The following SLC2A13 variants were observed in gnomAD, a reference collection of about 807,000 sequenced individuals.
SLC2A13 encodes the protein proton myo-inositol cotransporter.
Under a neutral mutation model 64.4 loss-of-function variants are expected in SLC2A13, and 32 were observed. The observed-to-expected ratio is 0.50, with a 90% CI of 0.37 to 0.67. The LOEUF (loss-of-function observed/expected upper bound fraction) is 0.67. SLC2A13 is among the 30% of genes least tolerant of loss of function. The pLI, the probability that SLC2A13 is intolerant of heterozygous loss-of-function variation, is 0.00. For missense variants in SLC2A13, 743 were observed against 829.2 expected (o/e 0.90, Z 1.28); for synonymous variants, 338 against 327.1 (o/e 1.03, Z -0.36).
chr12:39,905,659 A>G (rs562945817), intron 4 of SLC2A13, among the ~76,000 whole-genome samples: 2 of 152,248 alleles, frequency 1.3e-5, no homozygotes, highest in African/African-American at 4.8e-5. Flanking sequence ...CCTTTAAGAC[A>G]TCTTATGTCT....
intron 4 of SLC2A13, among the ~76,000 whole-genome samples, chr12:39,881,560 A>T (rs911945736): frequency 6.6e-6 from 1 of 152,122 alleles, no homozygotes; most frequent in African/African-American, 2.4e-5. Flanking sequence ...CAGATCACCT[A>T]TTTATACCTG....
At chr12:39,880,377 A>T (rs1227478398) in intron 4 of SLC2A13, among the ~76,000 whole-genome samples, 1 of 152,188 alleles carries the variant, frequency 6.6e-6, no homozygotes, top group East Asian at 1.9e-4. Context: ...TTTCAAACAT[A>T]TTTTCATGTA....
At chr12:40,003,828 G>C (rs1181311707) in intron 3 of SLC2A13, among the ~76,000 whole-genome samples, 1 of 151,820 alleles carries the variant, frequency 6.6e-6, no homozygotes, top group Non-Finnish European at 1.5e-5. Flanking sequence ...GGACACCGAA[G>C]CACAGAAAGT....
chr12:39,997,765 A>G (rs1204413754), intron 3 of SLC2A13, among the ~76,000 whole-genome samples: 2 of 152,160 alleles, frequency 1.3e-5, no homozygotes, highest in Non-Finnish European at 2.9e-5. Context: ...TGGGAGGCGG[A>G]GTTTGCGGTG....
chr12:39,783,996 T>C (rs1051846305), intron 7 of SLC2A13, among the ~76,000 whole-genome samples: 2 of 151,978 alleles, frequency 1.3e-5, no homozygotes, highest in Non-Finnish European at 2.9e-5. Context: ...GAGAATAAAA[T>C]ACCTAGGAAT....
At chr12:40,055,264 CTCTCTG>C (rs1948317066) in intron 1 of SLC2A13, among the ~76,000 whole-genome samples, 2 of 152,208 alleles carry the variant, frequency 1.3e-5, no homozygotes, top group Non-Finnish European at 2.9e-5. Context: ...AAGAAAGATT[CTCTCTG>C]TGGAGATAAC....
intron 4 of SLC2A13, among the ~76,000 whole-genome samples, chr12:39,883,587 T>G (rs868748049): frequency 6.6e-6 from 1 of 152,180 alleles, no homozygotes; most frequent in Non-Finnish European, 1.5e-5. Context: ...GGGCAGGTCA[T>G]GGCATTTACT....
At chr12:39,840,864 C>T (rs1943161329) in intron 6 of SLC2A13, among the ~76,000 whole-genome samples, 1 of 152,028 alleles carries the variant, frequency 6.6e-6, no homozygotes, top group Admixed American at 6.6e-5. Flanking sequence ...CAATAAATAC[C>T]TGTTGAGTAA....
intron 1 of SLC2A13, among the ~76,000 whole-genome samples, chr12:40,104,048 G>C (rs1270051856): frequency 6.6e-6 from 1 of 152,162 alleles, no homozygotes; most frequent in Non-Finnish European, 1.5e-5. Context: ...TATGGCCTTT[G>C]CTTCCCTTCA....
At chr12:39,799,857 G>T (rs1301146043) in intron 7 of SLC2A13, among the ~76,000 whole-genome samples, 1 of 152,200 alleles carries the variant, frequency 6.6e-6, no homozygotes, top group Non-Finnish European at 1.5e-5. Context: ...AAGAAACTTG[G>T]TAGAACTTTC....
chr12:40,025,560 G>A (rs553018793), intron 3 of SLC2A13, among the ~76,000 whole-genome samples: 9 of 152,298 alleles, frequency 5.9e-5, no homozygotes, highest in East Asian at 1.9e-4. Context: ...AGCTCAATGC[G>A]AACAGGTATC....
intron 1 of SLC2A13, among the ~76,000 whole-genome samples, chr12:40,080,392 GGTTTT>G (rs984219676): frequency 5.3e-5 from 8 of 152,042 alleles, no homozygotes; most frequent in South Asian, 2.1e-4. Flanking sequence ...TTATGTTCAA[GGTTTT>G]GTTTTGTTTT....
intron 1 of SLC2A13, among the ~76,000 whole-genome samples, chr12:40,054,702 C>T (rs1048639156): frequency 2.0e-5 from 3 of 152,192 alleles, no homozygotes; most frequent in African/African-American, 4.8e-5. Context: ...CAGCACAAAA[C>T]GCTCTGGAGT....
At chr12:40,003,092 G>T (rs1947346792) in intron 3 of SLC2A13, among the ~76,000 whole-genome samples, 1 of 152,176 alleles carries the variant, frequency 6.6e-6, no homozygotes, top group African/African-American at 2.4e-5. Context: ...AATGGACTGG[G>T]ACAGGGAGAG....
At chr12:40,006,530 T>C (rs1947422183) in intron 3 of SLC2A13, among the ~76,000 whole-genome samples, 1 of 152,210 alleles carries the variant, frequency 6.6e-6, no homozygotes, top group Non-Finnish European at 1.5e-5. Context: ...AAGAAAATTA[T>C]GTTAAAATGA....
At chr12:40,104,549 A>C (rs1939240263) in intron 1 of SLC2A13, among the ~76,000 whole-genome samples, 1 of 152,246 alleles carries the variant, frequency 6.6e-6, no homozygotes, top group Non-Finnish European at 1.5e-5. Context: ...CCAACTGGAA[A>C]GCAGGAGAGG....
At chr12:39,981,207 C>T (rs1380957505) in intron 3 of SLC2A13, among the ~76,000 whole-genome samples, 3 of 148,468 alleles carry the variant, frequency 2.0e-5, no homozygotes, top group Non-Finnish European at 4.5e-5. Context: ...CACTAAATGC[C>T]CACAAGAGAA....
intron 7 of SLC2A13, among the ~76,000 whole-genome samples, chr12:39,814,172 G>A (rs953386048): frequency 2.0e-5 from 3 of 152,072 alleles, no homozygotes; most frequent in African/African-American, 4.8e-5. Context: ...ACTTCAAAAC[G>A]TTAATCAACC....
intron 1 of SLC2A13, among the ~76,000 whole-genome samples, chr12:40,050,100 G>A (rs1237348478): frequency 2.6e-5 from 4 of 152,082 alleles, no homozygotes; most frequent in African/African-American, 7.2e-5. Context: ...CTTGGAAAGA[G>A]GAAACAAACA....
Sources: allele counts gnomAD v4.1 joint callset (sites outside exome capture counted in the v4.1 genomes callset), GRCh38; gene constraint gnomAD v4.1.1; transcripts MANE v1.5; gene names NCBI Gene and HGNC (gene_info 2026-07-23, HGNC 2026-07-21).